The following MED13 variants were observed in gnomAD, a reference collection of about 807,000 sequenced individuals.
MED13 encodes the protein mediator complex subunit 13, also known as mediator of RNA polymerase II transcription subunit 13.
In MED13, 23 loss-of-function variants were observed where a neutral mutation model predicts 225.2. The observed-to-expected ratio is 0.10, with a 90% CI of 0.07 to 0.14. The LOEUF (loss-of-function observed/expected upper bound fraction) is 0.14, where lower values mean the gene tolerates loss of function less well. Among genes scored for constraint, MED13 ranks in the 10% least tolerant of loss-of-function variants. MED13 has a pLI of 1.00. For synonymous variants in MED13, 942 were observed against 889.2 expected (o/e 1.06, Z -1.06); for missense variants, 2,197 against 2,594.5 (o/e 0.85, Z 3.33).
At position 61,942,770 on chromosome 17, in the gene MED13, C is replaced by T. The variant is rs1322523008; in HGVS notation, c.*3698G>A. On this transcript the variant is annotated 3_prime_UTR_variant, in exon 30 of 30. Coordinates refer to ENST00000397786, the MANE Select transcript of MED13 (RefSeq NM_005121.3). ...TTTGTTCCTTATTCTCTTTTTGTCA[C>T]GTTAAAAAGAAAAGCAATTGGACCA... 2.0e-5 allele frequency: 3 copies of T among 149,762 alleles called. No individual in the cohort carries two copies. Among genetic ancestry groups the T allele is most frequent in the Non-Finnish European group, 4.5e-5 (3 of 67,392 alleles). The allele number at this position is 149,762 out of a possible 1,614,324, so 9.3% of individuals were successfully genotyped here.
chr17:61,993,075 TTA>T (rs1421575091), intron 10 of MED13, among the ~76,000 whole-genome samples: 1 of 151,928 alleles, frequency 6.6e-6, no homozygotes, highest in Non-Finnish European at 1.5e-5. Flanking sequence ...TGTGGTATGT[TTA>T]TCTTATAGAC....
At chr17:62,051,425 C>T (rs1208018571) in intron 3 of MED13, among the ~76,000 whole-genome samples, 1 of 152,188 alleles carries the variant, frequency 6.6e-6, no homozygotes, top group African/African-American at 2.4e-5. Flanking sequence ...GACCTCCATA[C>T]TGCTTGCTAC....
Position 61,965,217 on chromosome 17 carries a change from T to A in MED13, c.4633A>T (p.Asn1545Tyr), listed in dbSNP as rs1012513182. ...TTTGATGATACTCCACTATTCAAGT[T>A]GGAGGATGATGAAGATGAAGTTGAA... ...TASTSSSSSS[N>Y]LNSGVSSNKL... Residue 1545 changes from asparagine (N) to tyrosine (Y), a missense_variant, in exon 20 of 30, where the codon AAC becomes TAC. Transcript: ENST00000397786. 1 of 1,614,162 alleles carries A rather than the reference T, an allele frequency of 6.2e-7. No homozygotes were observed.
intron 23 of MED13, among the ~76,000 whole-genome samples, chr17:61,956,908 G>T (rs1363850237): frequency 6.6e-6 from 1 of 152,046 alleles, no homozygotes; most frequent in Non-Finnish European, 1.5e-5. Flanking sequence ...AAACCTTTAC[G>T]TAAGTCCTAA....
At chr17:62,040,193 T>A (rs1470837997) in intron 3 of MED13, among the ~76,000 whole-genome samples, 5 of 152,178 alleles carry the variant, frequency 3.3e-5, no homozygotes, top group Non-Finnish European at 7.4e-5. Flanking sequence ...ATTTGTATCA[T>A]CCCATCAAAC....
chr17:62,037,389 G>C (rs917376372), intron 3 of MED13, among the ~76,000 whole-genome samples: 3 of 152,114 alleles, frequency 2.0e-5, no homozygotes, highest in African/African-American at 7.2e-5. Flanking sequence ...CAATGGCTGG[G>C]AGTGGTGGCT....
chr17:61,972,913 G>GT, intron 16 of MED13, 25 bp from the exon 17 acceptor site: 1 of 1,561,720 alleles, frequency 6.4e-7, no homozygotes, highest in African/African-American at 1.4e-5. Flanking sequence ...AAAAAAACAA[G>GT]TAATTAAGAA....
intron 3 of MED13, among the ~76,000 whole-genome samples, chr17:62,040,708 T>TA (rs2080845692): frequency 2.0e-5 from 3 of 151,934 alleles, no homozygotes; most frequent in African/African-American, 7.2e-5. Context: ...ATCAACCAAT[T>TA]AAAAAAATGG....
chr17:62,055,322 G>A (rs2080987947), intron 2 of MED13, among the ~76,000 whole-genome samples: 1 of 151,972 alleles, frequency 6.6e-6, no homozygotes, highest in Admixed American at 6.6e-5. Context: ...CCCAAGAGAT[G>A]GGAGTTGCAG....
chr17:61,999,065 G>C (rs1392820646), intron 9 of MED13, among the ~76,000 whole-genome samples: 1 of 150,950 alleles, frequency 6.6e-6, no homozygotes, highest in African/African-American at 2.4e-5. Context: ...AAAAGATTTA[G>C]AGTACAGAAA....
intron 8 of MED13, among the ~76,000 whole-genome samples, chr17:62,013,806 C>G (rs573277612): frequency 1.3e-4 from 20 of 152,162 alleles, no homozygotes; most frequent in Non-Finnish European, 2.2e-4. Context: ...TTTGGGAGGC[C>G]GAGGTAGGTG....
At chr17:62,048,056 ATATATATG>A (rs1454834897) in intron 3 of MED13, among the ~76,000 whole-genome samples, 23 of 145,144 alleles carry the variant, frequency 1.6e-4, no homozygotes, top group African/African-American at 3.5e-4. Flanking sequence ...ATATATATAT[ATATATATG>A]TATATATGTA....
At chr17:61,960,272 CTT>C (rs1021350754) in intron 23 of MED13, among the ~76,000 whole-genome samples, 2 of 145,590 alleles carry the variant, frequency 1.4e-5, no homozygotes. Flanking sequence ...GACAACCAAA[CTT>C]TTTTTTTTTT....
chr17:61,982,444 C>T lies in MED13; in HGVS notation c.3559G>A (p.Asp1187Asn), dbSNP rs142787257. The T allele has an allele frequency of 7.4e-5, 119 of 1,614,222 alleles. No homozygotes were observed. The highest frequency in any genetic ancestry group is 9.7e-5 in the Non-Finnish European group (114 of 1,180,044). Residue 1187 changes from aspartate to asparagine, a missense_variant, in exon 16 of 30, where the codon GAT becomes AAT. By Grantham distance (23) the Asp-to-Asn change is conservative. Transcript: ENST00000397786. ...TGATCTTGTAGCAATAATATCAAAT[C>T]ATCAGATAATTTTTCAGATTCCTTT... is the stretch of plus-strand genomic sequence containing the variant. ...GLKESEKLSD[D>N]LILLLQDQCT...
intron 23 of MED13, among the ~76,000 whole-genome samples, chr17:61,958,763 G>A (rs574591023): frequency 1.0e-3 from 159 of 152,170 alleles, no homozygotes; most frequent in African/African-American, 3.1e-3. Context: ...ATAAGCAACC[G>A]TGCCCAGCCA....
rs2080497313 is a variant in MED13 at position 62,010,603 on chromosome 17, G to C, written c.1914C>G (p.Phe638Leu). Residue 638 changes from phenylalanine (F) to leucine (L), a missense_variant, in exon 9 of 30, where the codon TTC (phenylalanine) becomes TTG (leucine). By Grantham distance (22) the Phe-to-Leu change is conservative. Around this residue, in one of 12 missense-constraint regions of MED13, gnomAD observed 884 missense variants for 918.5 expected, o/e 0.96. Coordinates refer to ENST00000397786, the MANE Select transcript of MED13 (RefSeq NM_005121.3). ...FLPPQLPSDK[F>L]KDDPVGPFGQ... The stretch of plus-strand genomic sequence containing the variant: ...CAAAAGGTCCAACTGGATCATCCTT[G>C]AATTTATCACTTGGAAGTTGAGGTG... 6.7e-7 allele frequency: 1 copy of C among 1,493,274 alleles called. No homozygotes were observed. Among genetic ancestry groups the C allele is most frequent in the Non-Finnish European group, 8.9e-7 (1 of 1,120,672 alleles). 92.5% of individuals were successfully genotyped at this position (1,493,274 alleles called of 1,614,324 possible).
chr17:62,047,496 T>C (rs754758577), intron 3 of MED13, among the ~76,000 whole-genome samples: 34 of 151,590 alleles, frequency 2.2e-4, no homozygotes, highest in Middle Eastern at 3.4e-3. Context: ...AAAGTGGGAG[T>C]TGAACAGTGA....
chr17:62,008,307 G>A (rs548891575), intron 9 of MED13, among the ~76,000 whole-genome samples: 1 of 78,964 alleles, frequency 1.3e-5, no homozygotes, highest in South Asian at 5.1e-4. Flanking sequence ...CACAGAGCGA[G>A]GCTCTGTCTC....
chr17:62,022,174 A>AAAT (rs1555640205), intron 8 of MED13, among the ~76,000 whole-genome samples: 43 of 141,320 alleles, frequency 3.0e-4, no homozygotes, highest in Non-Finnish European at 3.7e-4. Context: ...TCAAAAAAAA[A>AAAT]ATATATATAT....
Sources: allele counts gnomAD v4.1 joint callset (sites outside exome capture counted in the v4.1 genomes callset), GRCh38; gene constraint gnomAD v4.1.1; regional missense constraint gnomAD v4.1.1; transcripts MANE v1.5; gene names NCBI Gene and HGNC (gene_info 2026-07-23, HGNC 2026-07-21).